Variants in TAS2R1 observed in about 807,000 individuals in gnomAD.
TAS2R1 encodes the protein taste 2 receptor member 1.
For synonymous variants in TAS2R1, 141 were observed against 134.2 expected (o/e 1.05, Z -0.35); for missense variants, 370 against 353.4 (o/e 1.05, Z -0.38).
chr5:9,682,477 C>T (rs1741011413), intron 1 of TAS2R1, among the ~76,000 whole-genome samples: 1 of 152,180 alleles, frequency 6.6e-6, no homozygotes, highest in South Asian at 2.1e-4. Flanking sequence ...CCCTGCTCAG[C>T]TTCATCTGCC....
the TAS2R1 span, among the ~76,000 whole-genome samples, chr5:9,866,237 A>T: frequency 6.6e-6 from 1 of 152,082 alleles, no homozygotes; most frequent in Admixed American, 6.6e-5. Flanking sequence ...TTTCCATTGG[A>T]ATTTTTATGG....
the TAS2R1 span, among the ~76,000 whole-genome samples, chr5:9,823,201 A>G: frequency 6.6e-6 from 1 of 152,304 alleles, no homozygotes; most frequent in South Asian, 2.1e-4. Flanking sequence ...CCTTTTGATA[A>G]GAGTGTAAAA....
At chr5:9,830,845 C>A in the TAS2R1 span, among the ~76,000 whole-genome samples, 4 of 152,142 alleles carry the variant, frequency 2.6e-5, no homozygotes, top group South Asian at 2.1e-4. Context: ...CAGTTTGACA[C>A]TTTTTAAGAG....
chr5:9,793,148 T>C, the TAS2R1 span, among the ~76,000 whole-genome samples: 1 of 152,200 alleles, frequency 6.6e-6, no homozygotes, highest in Non-Finnish European at 1.5e-5. Context: ...ATGGCAGGAC[T>C]GGAAAAAAGA....
the TAS2R1 span, among the ~76,000 whole-genome samples, chr5:9,732,408 A>G: frequency 6.6e-6 from 1 of 152,130 alleles, no homozygotes; most frequent in Non-Finnish European, 1.5e-5. Context: ...CAGAAGAATA[A>G]CCACACCTCG....
At chr5:9,738,205 C>T in the TAS2R1 span, among the ~76,000 whole-genome samples, 2 of 152,288 alleles carry the variant, frequency 1.3e-5, no homozygotes, top group South Asian at 4.1e-4. Flanking sequence ...GGAAATTATA[C>T]TTTTCCAGGG....
the TAS2R1 span, among the ~76,000 whole-genome samples, chr5:9,847,335 G>A: frequency 6.6e-6 from 1 of 152,078 alleles, no homozygotes; most frequent in African/African-American, 2.4e-5. Context: ...AAAGTTCTTT[G>A]GGTTTCCCCC....
At chr5:9,773,019 A>G in the TAS2R1 span, among the ~76,000 whole-genome samples, 1 of 152,052 alleles carries the variant, frequency 6.6e-6, no homozygotes, top group African/African-American at 2.4e-5. Context: ...GTTATTATTG[A>G]TAAGTAAGAA....
At chr5:9,819,919 C>T in the TAS2R1 span, among the ~76,000 whole-genome samples, 62 of 152,152 alleles carry the variant, frequency 4.1e-4, 1 homozygote, top group Middle Eastern at 0.021. Flanking sequence ...CTGCACAAGA[C>T]AGAAATGTAT....
chr5:9,824,862 A>AG, the TAS2R1 span, among the ~76,000 whole-genome samples: 1 of 142,982 alleles, frequency 7.0e-6, no homozygotes, highest in East Asian at 2.0e-4. Flanking sequence ...AAAAAAAGGC[A>AG]GGGGGGAAGA....
chr5:9,675,368 T>G (rs1401733024), intron 1 of TAS2R1, among the ~76,000 whole-genome samples: 1 of 151,332 alleles, frequency 6.6e-6, no homozygotes, highest in Non-Finnish European at 1.5e-5. Context: ...TCTTGTATGT[T>G]TATTAGTACC....
intron 2 of TAS2R1, among the ~76,000 whole-genome samples, chr5:9,643,210 A>G (rs1336488490): frequency 3.3e-5 from 5 of 152,156 alleles, no homozygotes; most frequent in Non-Finnish European, 7.3e-5. Flanking sequence ...TCACTGTGCA[A>G]ACATCATAGA....
the TAS2R1 span, among the ~76,000 whole-genome samples, chr5:9,799,113 GTC>G: frequency 6.6e-6 from 1 of 152,182 alleles, no homozygotes; most frequent in East Asian, 1.9e-4. Context: ...CTGTTAGGTT[GTC>G]TCTCTAAAGC....
At chr5:9,754,644 T>C in the TAS2R1 span, among the ~76,000 whole-genome samples, 3 of 152,180 alleles carry the variant, frequency 2.0e-5, no homozygotes, top group Non-Finnish European at 4.4e-5. Context: ...CCATTCACAG[T>C]TGCTTCAAAG....
At position 9,663,968 on chromosome 5, in the gene TAS2R1, T is replaced by C. The variant is rs368590024; in HGVS notation, c.-241-4387A>G. Among the ~76,000 whole-genome samples the C allele has an allele frequency of 2.7e-4, 41 of 152,310 alleles. No homozygotes were observed. The East Asian group carries it at 6.6e-3, about 24-fold the overall frequency. ...AAGCTAGGCAGAGGCATGGAAAAGATTTCCCTCAGAGCCTCCAAAAGGCAC... is the reference window on the plus strand; with the variant it reads ...AAGCTAGGCAGAGGCATGGAAAAGACTTCCCTCAGAGCCTCCAAAAGGCAC... On this transcript the variant is annotated intron_variant, in intron 1 of 2. Coordinates refer to the TAS2R1 transcript ENST00000506620.
At chr5:9,669,184 G>A (rs1740702359) in intron 1 of TAS2R1, among the ~76,000 whole-genome samples, 1 of 152,158 alleles carries the variant, frequency 6.6e-6, no homozygotes. Context: ...TGACAGAATG[G>A]TAAAGGGTTC....
chr5:9,657,116 A>C (rs373786649), intron 2 of TAS2R1, among the ~76,000 whole-genome samples: 1 of 152,176 alleles, frequency 6.6e-6, no homozygotes, highest in East Asian at 1.9e-4. Flanking sequence ...TACAAAATAT[A>C]CAATAAAACT....
At chr5:9,809,217 T>G in the TAS2R1 span, among the ~76,000 whole-genome samples, 1 of 152,178 alleles carries the variant, frequency 6.6e-6, no homozygotes, top group Admixed American at 6.5e-5. Flanking sequence ...TTAGAGCTGA[T>G]GCTAGAATAA....
At chr5:9,746,880 C>T in the TAS2R1 span, among the ~76,000 whole-genome samples, 2 of 152,110 alleles carry the variant, frequency 1.3e-5, no homozygotes, top group South Asian at 4.1e-4. Flanking sequence ...ACATGTATAC[C>T]TATGAAACAA....
Sources: gnomAD v4.1 joint callset for allele counts (sites outside exome capture counted in the v4.1 genomes callset) on GRCh38, gnomAD v4.1.1 for gene constraint, MANE v1.5 for transcripts, NCBI Gene and HGNC (gene_info 2026-07-23, HGNC 2026-07-21) for gene names.